CARNMT1: variants seen among roughly 807,000 people sequenced by gnomAD.
CARNMT1 encodes carnosine N-methyltransferase 1.
Under a neutral mutation model 49.6 loss-of-function variants are expected in CARNMT1, and 28 were observed. That is an observed-to-expected ratio of 0.56 (90% CI 0.42 to 0.77). The LOEUF is 0.77. Ranked by LOEUF, CARNMT1 falls within the 30% of genes least tolerant of loss-of-function variation. The pLI, the probability that CARNMT1 is intolerant of heterozygous loss-of-function variation, is 0.00. For missense variants in CARNMT1, 421 were observed against 512.6 expected (o/e 0.82, Z 1.73); for synonymous variants, 178 against 175.0 (o/e 1.02, Z -0.13).
chr9:75,019,835 G>C (rs1416603326), intron 1 of CARNMT1, among the ~76,000 whole-genome samples: 1 of 152,206 alleles, frequency 6.6e-6, no homozygotes, highest in Non-Finnish European at 1.5e-5. Flanking sequence ...GGTTGTTTGA[G>C]ATCGTGTAAC....
chr9:75,016,985 C>A, intron 2 of CARNMT1: 1 of 432,260 alleles, frequency 2.3e-6, no homozygotes, highest in Non-Finnish European at 4.0e-6. Flanking sequence ...AAATTTAAGT[C>A]ACTAACCCTG....
chr9:75,000,567 A>C (rs969071071), intron 3 of CARNMT1, among the ~76,000 whole-genome samples: 7 of 152,116 alleles, frequency 4.6e-5, no homozygotes, highest in Admixed American at 2.0e-4. Context: ...CAAACCACTA[A>C]AAGTTTTACC....
chr9:75,027,825 G>T (rs898023209), intron 1 of CARNMT1, among the ~76,000 whole-genome samples, 187 bp downstream of exon 1: 2 of 152,204 alleles, frequency 1.3e-5, no homozygotes, highest in Non-Finnish European at 2.9e-5. Context: ...GGACACGCGG[G>T]TGTGCAGGGC....
chr9:74,995,674 G>C (rs956976389), intron 6 of CARNMT1, among the ~76,000 whole-genome samples: 1 of 152,052 alleles, frequency 6.6e-6, no homozygotes, highest in African/African-American at 2.4e-5. Flanking sequence ...CACCCGGAAG[G>C]CCAAGGGCTC....
chr9:75,012,692 G>C (rs1350251407), intron 3 of CARNMT1, among the ~76,000 whole-genome samples: 1 of 151,932 alleles, frequency 6.6e-6, no homozygotes, highest in Non-Finnish European at 1.5e-5. Flanking sequence ...AGTTTGCACG[G>C]CAAAGTTCAA....
chr9:75,024,100 C>CA (rs1330859646), intron 1 of CARNMT1, among the ~76,000 whole-genome samples: 1 of 152,182 alleles, frequency 6.6e-6, no homozygotes, highest in Admixed American at 6.5e-5. Context: ...AGGGTGAGCC[C>CA]ACACCAGGTC....
chr9:75,026,429 A>C (rs574751032), intron 1 of CARNMT1, among the ~76,000 whole-genome samples: 2 of 152,146 alleles, frequency 1.3e-5, no homozygotes, highest in Non-Finnish European at 2.9e-5. Flanking sequence ...TTCTTTCTAG[A>C]TTTTTCAAGA....
intron 1 of CARNMT1, among the ~76,000 whole-genome samples, chr9:75,023,948 A>G (rs1371261570): frequency 2.0e-5 from 3 of 152,244 alleles, no homozygotes; most frequent in Non-Finnish European, 4.4e-5. Flanking sequence ...AGTCAGCATC[A>G]GGAGGTGACA....
At chr9:75,021,459 G>GTATATATA (rs1822359825) in intron 1 of CARNMT1, among the ~76,000 whole-genome samples, 1 of 131,296 alleles carries the variant, frequency 7.6e-6, no homozygotes, top group Non-Finnish European at 1.7e-5. Flanking sequence ...AGTATATATA[G>GTATATATA]GATAAATATA....
chr9:74,984,483 A>C (rs900613188), intron 7 of CARNMT1, among the ~76,000 whole-genome samples: 2 of 152,186 alleles, frequency 1.3e-5, no homozygotes, highest in African/African-American at 4.8e-5. Context: ...AAGCATCCCT[A>C]ATCTGAAAAT....
chr9:75,016,570 T>A (rs964095460), intron 2 of CARNMT1, 139 bp from the exon 3 acceptor site: 19 of 709,998 alleles, frequency 2.7e-5, no homozygotes, highest in Admixed American at 8.5e-5. Flanking sequence ...GGGGTTCAAG[T>A]GCAGCTTGAG....
At chr9:75,001,216 A>C (rs1482943416) in intron 3 of CARNMT1, among the ~76,000 whole-genome samples, 3 of 152,188 alleles carry the variant, frequency 2.0e-5, no homozygotes, top group Admixed American at 6.5e-5. Context: ...TTTATATAAA[A>C]ATAACCAGCA....
At chr9:75,009,141 C>T (rs1399110047) in intron 3 of CARNMT1, among the ~76,000 whole-genome samples, 1 of 149,306 alleles carries the variant, frequency 6.7e-6, no homozygotes, top group African/African-American at 2.5e-5. Context: ...GGATTATTAC[C>T]TTACCCACAT....
In CARNMT1 at chr9:75,016,391, T is replaced by C. The variant is rs1289237160; in HGVS notation, c.467A>G (p.Asp156Gly). 1 of 1,614,016 alleles carries C rather than the reference T, an allele frequency of 6.2e-7. No homozygotes were observed. The highest frequency in any genetic ancestry group is 1.3e-5 in the African/African-American group (1 of 74,930). Reference sequence around the variant, plus strand: ...CTGTTTCAGCGTGGATTTTAACTTATCCATGTCAAATGTAGATGCTGGCAT... The same window carrying C: ...CTGTTTCAGCGTGGATTTTAACTTACCCATGTCAAATGTAGATGCTGGCAT... ...KIMPASTFDM[D>G]KLKSTLKQFV... The change falls in exon 3 of 8, where the codon GAT becomes GGT. Residue 156 changes from aspartate to glycine, a missense_variant. By Grantham distance (94) the Asp-to-Gly change is moderately conservative. Around this residue, in one of 2 missense-constraint regions of CARNMT1, gnomAD observed 235 missense variants for 344.8 expected, o/e 0.68. Transcript: ENST00000376834.
chr9:75,014,709 T>C (rs1833793915), intron 3 of CARNMT1, among the ~76,000 whole-genome samples: 1 of 152,114 alleles, frequency 6.6e-6, no homozygotes, highest in African/African-American at 2.4e-5. Flanking sequence ...TAGCCAGGCA[T>C]AGTGGTAGGT....
At chr9:75,028,347 C>CCAGCT, upstream of CARNMT1, 2 of 1,305,292 alleles carry the variant, frequency 1.5e-6, no homozygotes, top group Non-Finnish European at 1.9e-6. Context: ...GGACATGCCC[C>CCAGCT]CAGCTCGCGG....
At chr9:75,011,079 TA>T (rs2118838767) in intron 3 of CARNMT1, among the ~76,000 whole-genome samples, 1 of 152,000 alleles carries the variant, frequency 6.6e-6, no homozygotes, top group African/African-American at 2.4e-5. Context: ...TCACTCATCA[TA>T]AGAGAAATGC....
chr9:75,000,935 T>A (rs1472060161), intron 3 of CARNMT1, among the ~76,000 whole-genome samples: 1 of 152,164 alleles, frequency 6.6e-6, no homozygotes, highest in East Asian at 1.9e-4. Flanking sequence ...GACTCTGTGC[T>A]ATTCCTTATA....
intron 1 of CARNMT1, among the ~76,000 whole-genome samples, chr9:75,021,474 C>CTATATA (rs113499792): frequency 4.9e-4 from 70 of 144,062 alleles, no homozygotes; most frequent in Admixed American, 2.2e-3. Flanking sequence ...AATATATATA[C>CTATATA]TATATATATA....
Sources: gnomAD v4.1 joint callset for allele counts (sites outside exome capture counted in the v4.1 genomes callset) on GRCh38, gnomAD v4.1.1 for gene constraint, gnomAD v4.1.1 regional missense constraint, MANE v1.5 for transcripts, NCBI Gene and HGNC (gene_info 2026-07-23, HGNC 2026-07-21) for gene names.